IQSEC3: variants seen among roughly 807,000 people sequenced by gnomAD.
The protein encoded by IQSEC3 is IQ motif and Sec7 domain ArfGEF 3, also known as IQ motif and SEC7 domain-containing protein 3.
In IQSEC3, 50 loss-of-function variants were observed where a neutral mutation model predicts 105.4. The ratio of observed to expected loss-of-function variants is 0.47; its 90% confidence interval spans 0.38 to 0.60. The LOEUF (loss-of-function observed/expected upper bound fraction) is 0.60, where lower values mean the gene tolerates loss of function less well. Among genes scored for constraint, IQSEC3 ranks in the 20% least tolerant of loss-of-function variants. IQSEC3 has a pLI of 0.00. For synonymous variants in IQSEC3, 708 were observed against 746.0 expected (o/e 0.95, Z 0.83); for missense variants, 1,415 against 1,630.0 (o/e 0.87, Z 2.27).
At chr12:97,148 T>G (rs556612253) in intron 1 of IQSEC3, among the ~76,000 whole-genome samples, 7 of 152,370 alleles carry the variant, frequency 4.6e-5, no homozygotes, top group Non-Finnish European at 7.3e-5. Context: ...GTTGGCTCTT[T>G]AGGGTTCTCG....
At chr12:83,347 A>G (rs1231862506) in intron 1 of IQSEC3, among the ~76,000 whole-genome samples, 1 of 152,158 alleles carries the variant, frequency 6.6e-6, no homozygotes, top group Non-Finnish European at 1.5e-5. Flanking sequence ...CCCATTCCAG[A>G]GGAGAAGGCA....
At chr12:149,441 G>C (rs57554597) in intron 5 of IQSEC3, among the ~76,000 whole-genome samples, 43,914 of 152,022 alleles carry the variant, frequency 0.29, 6,732 homozygotes, top group Non-Finnish European at 0.34. Flanking sequence ...CAGCAAAGCA[G>C]GCTGAGTAAT....
chr12:167,327 T>G (rs1474687073), intron 11 of IQSEC3: 3 of 152,284 alleles, frequency 2.0e-5, no homozygotes, highest in African/African-American at 7.2e-5. Context: ...GCACCAGCAT[T>G]GCTGGGAGAG....
At chr12:129,137 G>T (rs548288553) in intron 3 of IQSEC3, among the ~76,000 whole-genome samples, 59 of 152,354 alleles carry the variant, frequency 3.9e-4, no homozygotes, top group African/African-American at 1.4e-3. Flanking sequence ...CCTCTGTGCT[G>T]TCTGGGAGTG....
At chr12:76,158 C>A (rs3894704) in intron 1 of IQSEC3, among the ~76,000 whole-genome samples, 2 of 151,742 alleles carry the variant, frequency 1.3e-5, no homozygotes, top group Non-Finnish European at 2.9e-5. Flanking sequence ...GAGTGAGAAA[C>A]GGGCAATGGG....
At position 169,095 on chromosome 12, in the gene IQSEC3, A is replaced by G; in HGVS notation, c.3054A>G (p.Gly1018=). The change falls in exon 12 of 14, where the codon GGA becomes GGG. Residue 1018 remains glycine, a synonymous_variant. Coordinates refer to ENST00000538872, the MANE Select transcript of IQSEC3 (RefSeq NM_001170738.2). The part of the protein sequence containing the change: ...GAQGDPQSKQ[G]SPTAKREAAL... ...AGGGGGACCCACAGTCAAAGCAAGG[A>G]TCGCCGACAGGTGAGCCTCGGCTCC... 1 of 1,613,860 alleles carries G rather than the reference A, an allele frequency of 6.2e-7. No individual in the cohort carries two copies. The highest frequency in any genetic ancestry group is 8.5e-7 in the Non-Finnish European group (1 of 1,179,952).
chr12:155,915 C>T (rs781834467), intron 5 of IQSEC3, among the ~76,000 whole-genome samples: 4 of 152,128 alleles, frequency 2.6e-5, no homozygotes, highest in Non-Finnish European at 4.4e-5. Flanking sequence ...CCCAATCTAA[C>T]GCGCTTGGTC....
intron 13 of IQSEC3, chr12:171,401 G>C: frequency 2.2e-6 from 3 of 1,364,282 alleles, no homozygotes; most frequent in Non-Finnish European, 3.1e-6. Flanking sequence ...GCCCTCCGAG[G>C]CCGAGCTCCC....
intron 5 of IQSEC3, among the ~76,000 whole-genome samples, chr12:144,999 T>C (rs1326450808): frequency 1.3e-5 from 2 of 152,184 alleles, no homozygotes; most frequent in East Asian, 1.9e-4. Flanking sequence ...ACCTGGCTAA[T>C]TGTTAAATAT....
intron 1 of IQSEC3, among the ~76,000 whole-genome samples, chr12:70,016 T>TG (rs1327421285): frequency 6.6e-6 from 1 of 152,246 alleles, no homozygotes; most frequent in Non-Finnish European, 1.5e-5. Flanking sequence ...GGTTCTCTAC[T>TG]GGGAGTGCTG....
intron 7 of IQSEC3, among the ~76,000 whole-genome samples, chr12:160,303 C>T (rs1866843164): frequency 6.6e-6 from 1 of 152,100 alleles, no homozygotes; most frequent in South Asian, 2.1e-4. Flanking sequence ...ACTCTGTGAA[C>T]ACAGGTGGAG....
At chr12:100,259 T>A (rs1591651418) in intron 2 of IQSEC3, among the ~76,000 whole-genome samples, 1 of 152,172 alleles carries the variant, frequency 6.6e-6, no homozygotes, top group African/African-American at 2.4e-5. Flanking sequence ...CCCTGAAGGA[T>A]GAGAGGAGAG....
intron 7 of IQSEC3, among the ~76,000 whole-genome samples, chr12:161,639 C>T (rs3817017): frequency 0.31 from 47,348 of 152,082 alleles, 8,193 homozygotes; most frequent in Admixed American, 0.43. Context: ...GCTGTATCTG[C>T]CATCAGGAAA....
At chr12:145,143 TA>T (rs1363145909) in intron 5 of IQSEC3, among the ~76,000 whole-genome samples, 7 of 152,384 alleles carry the variant, frequency 4.6e-5, no homozygotes, top group Admixed American at 4.6e-4. Flanking sequence ...TGTTTGTTTT[TA>T]GAGAAGAAAT....
intron 5 of IQSEC3, among the ~76,000 whole-genome samples, chr12:150,857 T>C (rs1555092458): frequency 6.6e-6 from 1 of 151,930 alleles, no homozygotes; most frequent in Non-Finnish European, 1.5e-5. Context: ...AGACAAGCAC[T>C]TGGGTGCTCC....
chr12:129,126 T>C, intron 3 of IQSEC3, among the ~76,000 whole-genome samples: 1 of 152,218 alleles, frequency 6.6e-6, no homozygotes, highest in Non-Finnish European at 1.5e-5. Context: ...GCCTGTTGCC[T>C]CCTCTGTGCT....
chr12:98,937 T>C (rs1359584847), intron 1 of IQSEC3, among the ~76,000 whole-genome samples: 1 of 152,158 alleles, frequency 6.6e-6, no homozygotes, highest in African/African-American at 2.4e-5. Flanking sequence ...GAATTGAGCC[T>C]AATGGGTGAT....
At chr12:73,224 C>A (rs577233411) in intron 1 of IQSEC3, among the ~76,000 whole-genome samples, 2 of 152,152 alleles carry the variant, frequency 1.3e-5, no homozygotes, top group African/African-American at 4.8e-5. Context: ...TGGGCAAGCA[C>A]GCCTGGGGAG....
At chr12:99,257 C>T in intron 2 of IQSEC3, 43 bp downstream of exon 2, 2 of 1,558,158 alleles carry the variant, frequency 1.3e-6, no homozygotes, top group East Asian at 2.3e-5. Flanking sequence ...CCCCACCTTC[C>T]TTCCTGTTAC....
Sources: allele counts gnomAD v4.1 joint callset (sites outside exome capture counted in the v4.1 genomes callset), GRCh38; gene constraint gnomAD v4.1.1; transcripts MANE v1.5; gene names NCBI Gene and HGNC (gene_info 2026-07-23, HGNC 2026-07-21).